Variants in RSU1 observed in about 807,000 individuals in gnomAD.
RSU1 encodes the protein Ras suppressor protein 1.
Under a neutral mutation model 31.1 loss-of-function variants are expected in RSU1, and 26 were observed. The ratio of observed to expected loss-of-function variants is 0.84; its 90% CI spans 0.61 to 1.16. The LOEUF (loss-of-function observed/expected upper bound fraction) is 1.16, where lower values mean the gene tolerates loss of function less well. Ranked by LOEUF, RSU1 falls within the 50% of genes most tolerant of loss-of-function variation. RSU1 has a pLI of 0.00. For synonymous variants in RSU1, 164 were observed against 136.3 expected (o/e 1.20, Z -1.41); for missense variants, 320 against 339.1 (o/e 0.94, Z 0.44).
intron 7 of RSU1, among the ~76,000 whole-genome samples, chr10:16,735,036 A>C (rs1482752856): frequency 6.6e-6 from 1 of 152,302 alleles, no homozygotes; most frequent in Admixed American, 6.5e-5. Flanking sequence ...GAAGAAACCA[A>C]TTCTGTTATT....
intron 8 of RSU1, among the ~76,000 whole-genome samples, chr10:16,644,820 G>C (rs146170565): frequency 1.3e-5 from 2 of 152,200 alleles, no homozygotes; most frequent in East Asian, 1.9e-4. Context: ...TATTGTGACA[G>C]GTTAAATTAC....
chr10:16,816,891 C>G, intron 2 of RSU1, 82 bp downstream of exon 2: 1 of 981,046 alleles, frequency 1.0e-6, no homozygotes, highest in East Asian at 2.4e-5. Context: ...AGTACAATCG[C>G]TCACAGCAGG....
In RSU1 at chr10:16,695,165, GGGA is replaced by G. The variant is rs879901148; in HGVS notation, c.599-13_599-11del. On this transcript the variant is annotated splice_polypyrimidine_tract_variant and intron_variant, in intron 7 of 8. Transcript: ENST00000345264. ...GTTAAATCCAAGTTTCCTGGGGGGG[GGGA>G]AAAAAAAAGTGAAGGTCACTTCATC... The G allele has an allele frequency of 7.0e-7, 1 of 1,430,872 alleles. No individual in the cohort carries two copies. The highest frequency in any genetic ancestry group is 9.4e-7 in the Non-Finnish European group (1 of 1,068,396). 88.6% of individuals were successfully genotyped at this position (1,430,872 alleles called of 1,614,324 possible).
At chr10:16,809,154 C>G (rs1193719122) in intron 2 of RSU1, among the ~76,000 whole-genome samples, 1 of 152,202 alleles carries the variant, frequency 6.6e-6, no homozygotes, top group East Asian at 1.9e-4. Context: ...ACCTGAAATA[C>G]TGTTTTACAG....
intron 3 of RSU1, chr10:16,767,413 A>G (rs1253759087): frequency 6.6e-6 from 1 of 152,226 alleles, no homozygotes; most frequent in African/African-American, 2.4e-5. Context: ...AGTCCAATTT[A>G]AAACCACAAA....
chr10:16,612,599 T>A (rs1833911108), intron 8 of RSU1, among the ~76,000 whole-genome samples: 3 of 152,188 alleles, frequency 2.0e-5, no homozygotes, highest in Admixed American at 6.5e-5. Context: ...GAGTCAATAA[T>A]CTTACGGTAA....
At chr10:16,817,240 GGAGT>G in intron 1 of RSU1, 71 bp downstream of exon 1, 10 of 492,932 alleles carry the variant, frequency 2.0e-5, no homozygotes, top group South Asian at 6.0e-5. Flanking sequence ...GGGAGGGGAT[GGAGT>G]GGGAAGGGTT....
intron 2 of RSU1, among the ~76,000 whole-genome samples, chr10:16,796,950 C>G (rs1179713105): frequency 6.6e-6 from 1 of 152,190 alleles, no homozygotes; most frequent in African/African-American, 2.4e-5. Context: ...GCAGAGAGAA[C>G]CCAAGGGGCA....
intron 1 of RSU1, 108 bp downstream of exon 1, chr10:16,817,207 T>G: frequency 1.5e-6 from 1 of 681,244 alleles, no homozygotes; most frequent in Non-Finnish European, 2.6e-6. Context: ...TCCGAGGGCG[T>G]CCCAGGGGCT....
intron 7 of RSU1, among the ~76,000 whole-genome samples, chr10:16,737,337 C>T (rs1464227323): frequency 6.6e-6 from 1 of 151,530 alleles, no homozygotes; most frequent in Admixed American, 6.6e-5. Flanking sequence ...ACTGCTAAAA[C>T]CCAATGATAA....
chr10:16,729,159 T>C (rs963228896), intron 7 of RSU1, among the ~76,000 whole-genome samples: 1 of 152,260 alleles, frequency 6.6e-6, no homozygotes, highest in Non-Finnish European at 1.5e-5. Context: ...TGGAAGCTTT[T>C]GCCTCCTGTT....
intron 4 of RSU1, among the ~76,000 whole-genome samples, chr10:16,762,310 A>AT (rs1837224904): frequency 6.6e-6 from 1 of 151,082 alleles, no homozygotes; most frequent in Non-Finnish European, 1.5e-5. Context: ...ATATATATAT[A>AT]AAATAGATAT....
At chr10:16,756,816 T>G (rs771341211) in intron 4 of RSU1, among the ~76,000 whole-genome samples, 22 of 150,934 alleles carry the variant, frequency 1.5e-4, no homozygotes, top group Non-Finnish European at 3.2e-4. Flanking sequence ...AGTGTGTGTG[T>G]GGGGTGTGTG....
At chr10:16,641,723 A>T (rs1168366596) in intron 8 of RSU1, among the ~76,000 whole-genome samples, 1 of 152,088 alleles carries the variant, frequency 6.6e-6, no homozygotes, top group Non-Finnish European at 1.5e-5. Flanking sequence ...TAATTCTTCA[A>T]CTTCTGCTAC....
At position 16,593,420 on chromosome 10, in the gene RSU1, T is replaced by TA; in HGVS notation, c.807_808insT (p.Lys270Ter). ...TATCTGTTCTTGGCTGCCAGGGGTT[T>TA]CCGGCTGATCTTTTTCGATTTGTCA... On this transcript the variant is annotated frameshift_variant, in exon 9 of 9. Coordinates refer to ENST00000345264, the MANE Select transcript of RSU1 (RefSeq NM_012425.4). LOFTEE classifies it high-confidence loss of function. The TA allele has an allele frequency of 1.2e-6, 2 of 1,614,136 alleles. No homozygotes were observed. The highest frequency in any genetic ancestry group is 1.7e-6 in the Non-Finnish European group (2 of 1,179,998).
intron 2 of RSU1, among the ~76,000 whole-genome samples, chr10:16,796,959 C>G (rs751942146): frequency 6.6e-6 from 1 of 152,184 alleles, no homozygotes; most frequent in African/African-American, 2.4e-5. Flanking sequence ...ACCCAAGGGG[C>G]AACTAACAAA....
intron 7 of RSU1, among the ~76,000 whole-genome samples, chr10:16,736,992 C>G (rs1836640847): frequency 7.1e-6 from 1 of 141,774 alleles, no homozygotes; most frequent in Non-Finnish European, 1.5e-5. Flanking sequence ...GCACAAGAAA[C>G]TATCCAAACT....
At chr10:16,672,513 C>A (rs1314849881) in intron 8 of RSU1, among the ~76,000 whole-genome samples, 1 of 152,114 alleles carries the variant, frequency 6.6e-6, no homozygotes, top group African/African-American at 2.4e-5. Context: ...TATATCCACA[C>A]AATGGACTAC....
In RSU1 at chr10:16,593,451, C is replaced by T. The variant is rs749086834; in HGVS notation, c.777G>A (p.Lys259=). The change falls in exon 9 of 9, where the codon AAG becomes AAA. Residue 259 remains lysine, a synonymous_variant. Coordinates refer to ENST00000345264, the MANE Select transcript of RSU1 (RefSeq NM_012425.4). The stretch of plus-strand genomic sequence containing the variant: ...TGATCTTTTTCGATTTGTCATTATT[C>T]TTCTTCGGTGGTTCTGGGTTGGCCT... ...HMQANPEPPK[K]NNDKSKKISR... is the part of the protein sequence containing the mutation. The T allele has an allele frequency of 3.7e-6, 6 of 1,613,950 alleles. No individual in the cohort carries two copies. Among genetic ancestry groups the T allele is most frequent in the South Asian group, 2.2e-5 (2 of 91,072 alleles).
Sources: gnomAD v4.1 joint callset for allele counts (sites outside exome capture counted in the v4.1 genomes callset) on GRCh38, gnomAD v4.1.1 for gene constraint, MANE v1.5 for transcripts, NCBI Gene and HGNC (gene_info 2026-07-23, HGNC 2026-07-21) for gene names.